The following LHFPL7 variants were observed in gnomAD, a reference collection of about 807,000 sequenced individuals.
LHFPL7 encodes LHFPL tetraspan subfamily member 7, also known as LHFPL tetraspan subfamily member 7 protein.
the LHFPL7 span, among the ~76,000 whole-genome samples, chr22:24,940,085 G>A: frequency 2.0e-5 from 3 of 150,622 alleles, no homozygotes; most frequent in Non-Finnish European, 3.0e-5. Flanking sequence ...CCGCCACCGC[G>A]CCCGGCTAAT....
At chr22:24,940,054 A>T in the LHFPL7 span, among the ~76,000 whole-genome samples, 6 of 148,312 alleles carry the variant, frequency 4.0e-5, no homozygotes, top group Admixed American at 2.7e-4. Context: ...CAGCCTCCGG[A>T]GTAGCTGGGA....
the LHFPL7 span, among the ~76,000 whole-genome samples, chr22:24,943,020 ACCT>A: frequency 6.6e-6 from 1 of 151,214 alleles, no homozygotes; most frequent in Non-Finnish European, 1.5e-5. Context: ...GATGAGAAAA[ACCT>A]CGTGGCTGCT....
At chr22:24,942,410 C>T in the LHFPL7 span, among the ~76,000 whole-genome samples, 1 of 152,260 alleles carries the variant, frequency 6.6e-6, no homozygotes, top group African/African-American at 2.4e-5. Flanking sequence ...AATAGCCAAT[C>T]CTGCCATTGA....
chr22:24,935,975 C>A, the LHFPL7 span, among the ~76,000 whole-genome samples: 1 of 152,034 alleles, frequency 6.6e-6, no homozygotes, highest in Non-Finnish European at 1.5e-5. Context: ...TTTTCCTCAT[C>A]CATCCACTAA....
the LHFPL7 span, among the ~76,000 whole-genome samples, chr22:24,942,590 A>G: frequency 7.2e-5 from 11 of 152,206 alleles, no homozygotes; most frequent in Non-Finnish European, 1.6e-4. Flanking sequence ...TAAACATGGC[A>G]GGAATTCTGG....
At chr22:24,938,045 C>T in the LHFPL7 span, 28 of 1,495,146 alleles carry the variant, frequency 1.9e-5, no homozygotes, top group East Asian at 4.6e-5. Flanking sequence ...AGGTCTGACC[C>T]GAGAGGCCAG....
chr22:24,941,655 T>G, the LHFPL7 span, among the ~76,000 whole-genome samples: 1 of 151,912 alleles, frequency 6.6e-6, no homozygotes, highest in Non-Finnish European at 1.5e-5. Flanking sequence ...AATTCAAATT[T>G]TTTTGTTTGT....
chr22:24,937,456 A>C, the LHFPL7 span, among the ~76,000 whole-genome samples: 1 of 152,176 alleles, frequency 6.6e-6, no homozygotes, highest in African/African-American at 2.4e-5. Flanking sequence ...CTACGGTAAG[A>C]AGTTCAGATT....
At chr22:24,942,864 G>A in the LHFPL7 span, among the ~76,000 whole-genome samples, 2 of 151,674 alleles carry the variant, frequency 1.3e-5, no homozygotes, top group South Asian at 4.2e-4. Flanking sequence ...ATGGGAGTGA[G>A]GGTTGTTGTG....
the LHFPL7 span, among the ~76,000 whole-genome samples, chr22:24,940,001 C>T: frequency 5.0e-5 from 7 of 140,110 alleles, no homozygotes; most frequent in African/African-American, 1.8e-4. Flanking sequence ...GATCTCGGCT[C>T]ACTGCAAGCT....
chr22:24,938,266 C>T, the LHFPL7 span: 6 of 1,613,826 alleles, frequency 3.7e-6, no homozygotes, highest in South Asian at 3.3e-5. Context: ...AGCCAGCCTC[C>T]GAGGAGCATC....
the LHFPL7 span, among the ~76,000 whole-genome samples, chr22:24,944,873 G>A: frequency 3.7e-3 from 566 of 151,774 alleles, 27 homozygotes; most frequent in Admixed American, 0.037. Context: ...ACAATGGCGC[G>A]ATCTCGGCTC....
the LHFPL7 span, among the ~76,000 whole-genome samples, chr22:24,942,892 AGTGTGTGTGTGTGTGTGTGT>A: frequency 2.1e-4 from 27 of 128,126 alleles, no homozygotes; most frequent in African/African-American, 7.8e-4. Flanking sequence ...AAGGGGATAA[AGTGTGTGTGTGTGTGTGTGT>A]GTGTGTGTGT....
At chr22:24,938,983 C>G in the LHFPL7 span, among the ~76,000 whole-genome samples, 2 of 152,194 alleles carry the variant, frequency 1.3e-5, no homozygotes, top group African/African-American at 4.8e-5. Flanking sequence ...GAAGGGGCAC[C>G]TTTTCCTAAT....
chr22:24,941,348 T>C, the LHFPL7 span, among the ~76,000 whole-genome samples: 2 of 151,790 alleles, frequency 1.3e-5, no homozygotes, highest in Non-Finnish European at 2.9e-5. Context: ...TTTGTATTTT[T>C]AGTAGAGATG....
chr22:24,939,561 C>T, the LHFPL7 span: 1 of 702,200 alleles, frequency 1.4e-6, no homozygotes, highest in Admixed American at 2.0e-5. Context: ...ACCTAGGGGT[C>T]AACAGGGAAG....
chr22:24,936,864 T>G, the LHFPL7 span, among the ~76,000 whole-genome samples: 1 of 152,084 alleles, frequency 6.6e-6, no homozygotes, highest in South Asian at 2.1e-4. Flanking sequence ...CATCCTTTGC[T>G]CATCCCCACC....
the LHFPL7 span, chr22:24,938,106 A>G: frequency 6.9e-7 from 1 of 1,441,594 alleles, no homozygotes; most frequent in Non-Finnish European, 9.4e-7. Context: ...CATTCCATAA[A>G]TATGTCTAGA....
At chr22:24,945,891 C>T in the LHFPL7 span, among the ~76,000 whole-genome samples, 1 of 152,250 alleles carries the variant, frequency 6.6e-6, no homozygotes, top group Non-Finnish European at 1.5e-5. Context: ...CAGCATCTGT[C>T]ACAGATTGGC....
Sources: gnomAD v4.1 joint callset for allele counts (sites outside exome capture counted in the v4.1 genomes callset) on GRCh38, gnomAD v4.1.1 for gene constraint, MANE v1.5 for transcripts, NCBI Gene and HGNC (gene_info 2026-07-23, HGNC 2026-07-21) for gene names.